The following TBC1D21 variants were observed in gnomAD, a reference collection of about 807,000 sequenced individuals.
TBC1D21 encodes the protein TBC1 domain family member 21, also known as male germ cell Rab GTPase-activating protein.
Under a neutral mutation model 46.0 loss-of-function variants are expected in TBC1D21, and 38 were observed. The observed-to-expected ratio is 0.83, with a 90% CI of 0.64 to 1.08. The LOEUF (loss-of-function observed/expected upper bound fraction) is 1.08, where lower values mean the gene tolerates loss of function less well. Ranked by LOEUF, TBC1D21 falls within the 50% of genes least tolerant of loss-of-function variation. TBC1D21 has a pLI of 0.00. For synonymous variants in TBC1D21, 151 were observed against 157.2 expected (o/e 0.96, Z 0.29); for missense variants, 415 against 417.9 (o/e 0.99, Z 0.06).
At position 73,883,086 on chromosome 15, in the gene TBC1D21, T is replaced by C. The variant is rs151028329; in HGVS notation, c.273-1065T>C. On this transcript the variant is annotated intron_variant, in intron 3 of 10. Coordinates refer to ENST00000300504, the MANE Select transcript of TBC1D21 (RefSeq NM_153356.3). ...CAGAGGAACGGACTCCTTTGGATTG[T>C]GGCTGCATGACTATGTAGCCTGGGC... 2.5e-3 allele frequency among the ~76,000 whole-genome samples: 379 copies of C among 152,372 alleles called. 1 individual carries two copies. The highest frequency in any genetic ancestry group is 8.8e-3 in the African/African-American group (364 of 41,592).
intron 1 of TBC1D21, among the ~76,000 whole-genome samples, chr15:73,879,119 C>T (rs2068110648): frequency 6.6e-6 from 1 of 152,200 alleles, no homozygotes; most frequent in Non-Finnish European, 1.5e-5. Flanking sequence ...AATCCATTTC[C>T]ATCAAATATA....
the TBC1D21 span, among the ~76,000 whole-genome samples, chr15:73,902,175 T>C: frequency 5.9e-4 from 90 of 152,204 alleles, no homozygotes; most frequent in African/African-American, 2.0e-3. Context: ...TTCTGGAAAT[T>C]AGGATGGGGA....
the TBC1D21 span, among the ~76,000 whole-genome samples, chr15:73,897,623 T>C: frequency 6.6e-6 from 1 of 152,168 alleles, no homozygotes; most frequent in Non-Finnish European, 1.5e-5. Flanking sequence ...TGGGGAGGCC[T>C]GGCTGCCCCA....
At chr15:73,896,844 C>T in the TBC1D21 span, among the ~76,000 whole-genome samples, 60 of 152,348 alleles carry the variant, frequency 3.9e-4, 1 homozygote, top group East Asian at 0.011. Context: ...CTCAGTTTCC[C>T]CCTCTGAAAT....
At chr15:73,880,210 T>C (rs2068129300) in intron 1 of TBC1D21, among the ~76,000 whole-genome samples, 2 of 152,056 alleles carry the variant, frequency 1.3e-5, no homozygotes, top group South Asian at 4.1e-4. Flanking sequence ...TATTATTTTA[T>C]AAGCATTTTG....
At chr15:73,874,330 C>T (rs950842552) in intron 1 of TBC1D21, among the ~76,000 whole-genome samples, 1 of 152,166 alleles carries the variant, frequency 6.6e-6, no homozygotes, top group African/African-American at 2.4e-5. Context: ...AATGTTACTG[C>T]TTTATGGCAA....
At chr15:73,899,665 T>G in the TBC1D21 span, among the ~76,000 whole-genome samples, 18,507 of 151,926 alleles carry the variant, frequency 0.12, 1,447 homozygotes, top group Non-Finnish European at 0.17. Flanking sequence ...GCCGTCGCCC[T>G]TGGAGAGGGG....
rs770244559 is a variant in TBC1D21 at position 73,884,986 on chromosome 15, C to G, written c.479-17C>G. 5 of 1,396,958 alleles carry G rather than the reference C, an allele frequency of 3.6e-6. No homozygotes were observed. The highest frequency in any genetic ancestry group is 1.7e-5 in the Admixed American group (1 of 59,048). The allele number at this position is 1,396,958 out of a possible 1,614,324, so 86.5% of individuals were successfully genotyped here. On this transcript the variant is annotated splice_polypyrimidine_tract_variant and intron_variant, in intron 5 of 10. Transcript: ENST00000300504. The stretch of plus-strand genomic sequence containing the variant: ...CTCCCACCCAGCCCCTCCTCCCCAA[C>G]CCCCTCTTCGCCACAGAGTACCAGC...
downstream of TBC1D21, among the ~76,000 whole-genome samples, chr15:73,889,854 A>C (rs909493150): frequency 1.3e-5 from 2 of 152,208 alleles, no homozygotes; most frequent in Admixed American, 1.3e-4. Context: ...CTGCTCCCCC[A>C]GGCTGTGCCA....
chr15:73,876,199 G>GTT (rs539517539), intron 1 of TBC1D21, among the ~76,000 whole-genome samples: 1 of 28,314 alleles, frequency 3.5e-5, no homozygotes, highest in Non-Finnish European at 1.9e-4. Flanking sequence ...TTTTTTGTGG[G>GTT]TTTTTTTTTT....
Position 73,885,046 on chromosome 15 carries a change from G to A in TBC1D21, c.522G>A (p.Leu174=). 2 of 1,612,958 alleles carry A rather than the reference G, an allele frequency of 1.2e-6. No homozygotes were observed. Among genetic ancestry groups the A allele is most frequent in the Non-Finnish European group, 1.7e-6 (2 of 1,179,886 alleles). ...ATGAGATGATGATGCTCTTCCAGCT[G>A]ATGGTGGAGCACGACCACGAGACCT... ...GFHEMMMLFQ[L]MVEHDHETFW... is the part of the protein sequence containing the mutation. The change falls in exon 6 of 11, where the codon CTG becomes CTA. Residue 174 remains leucine, a synonymous_variant. Coordinates refer to ENST00000300504, the MANE Select transcript of TBC1D21 (RefSeq NM_153356.3).
rs759161590 is a variant in TBC1D21, at chr15:73,873,714, C to G, written c.5C>G (p.Thr2Ser). 2 of 1,606,620 alleles carry G rather than the reference C, an allele frequency of 1.2e-6. No individual in the cohort carries two copies. The highest frequency in any genetic ancestry group is 1.7e-6 in the Non-Finnish European group (2 of 1,175,746). The part of the protein sequence containing the change: M[T>S]TLSPENSLSA... ...GTTCGGAAGACAGCAGGGGCCATGA[C>G]CACCCTCTCTCCTGAAAACAGCCTC... Residue 2 changes from threonine to serine, a missense_variant, in exon 1 of 11, where the codon ACC becomes AGC. Coordinates refer to ENST00000300504, the MANE Select transcript of TBC1D21 (RefSeq NM_153356.3).
downstream of TBC1D21, among the ~76,000 whole-genome samples, chr15:73,890,427 T>C (rs1226558933): frequency 6.6e-6 from 1 of 152,212 alleles, no homozygotes; most frequent in Non-Finnish European, 1.5e-5. Flanking sequence ...GGGAGGCACA[T>C]GGGTCAATTC....
chr15:73,886,869 G>A (rs113616536), intron 8 of TBC1D21, among the ~76,000 whole-genome samples: 99 of 152,338 alleles, frequency 6.5e-4, no homozygotes, highest in African/African-American at 2.2e-3. Flanking sequence ...CCTATGGCCT[G>A]TGCAGTGGGA....
intron 1 of TBC1D21, among the ~76,000 whole-genome samples, chr15:73,879,998 G>A (rs906376649): frequency 2.6e-5 from 4 of 151,884 alleles, no homozygotes; most frequent in Admixed American, 6.6e-5. Context: ...CCGGGTTCAC[G>A]TAGTTCTCCT....
the TBC1D21 span, among the ~76,000 whole-genome samples, chr15:73,903,377 C>T: frequency 5.3e-5 from 8 of 152,246 alleles, no homozygotes; most frequent in African/African-American, 1.9e-4. Context: ...GGTGGATACA[C>T]ACCCCAGATT....
At chr15:73,893,045 TCTGGTGGTGGTAATGATGTCATCA>T (rs2068349911), downstream of TBC1D21, among the ~76,000 whole-genome samples, 1 of 152,028 alleles carries the variant, frequency 6.6e-6, no homozygotes. Context: ...TGATATAGAA[TCTGGTGGTGGTAATGATGTCATCA>T]CTGGTGGTGG....
chr15:73,901,539 C>T, the TBC1D21 span, among the ~76,000 whole-genome samples: 1 of 152,228 alleles, frequency 6.6e-6, no homozygotes, highest in Non-Finnish European at 1.5e-5. Flanking sequence ...TAACGTAATG[C>T]ACATTCATTC....
At chr15:73,876,211 T>TAG (rs2068060088) in intron 1 of TBC1D21, among the ~76,000 whole-genome samples, 1 of 30,722 alleles carries the variant, frequency 3.3e-5, no homozygotes, top group Non-Finnish European at 5.4e-5. Flanking sequence ...TTTTTTTTTT[T>TAG]TTTTTTTTTT....
Sources: gnomAD v4.1 joint callset for allele counts (sites outside exome capture counted in the v4.1 genomes callset) on GRCh38, gnomAD v4.1.1 for gene constraint, MANE v1.5 for transcripts, NCBI Gene and HGNC (gene_info 2026-07-23, HGNC 2026-07-21) for gene names.